The following FANCC variants were observed in gnomAD, a reference collection of about 807,000 sequenced individuals.
FANCC encodes the protein Fanconi anemia group C protein.
FANCC carries 55 observed loss-of-function variants against 71.3 expected under a neutral mutation model. The ratio of observed to expected loss-of-function variants is 0.77; its 90% confidence interval spans 0.62 to 0.97. The LOEUF (loss-of-function observed/expected upper bound fraction) is 0.97. Among genes scored for constraint, FANCC ranks in the 50% least tolerant of loss-of-function variants. The probability of loss-of-function intolerance (pLI) is 0.00; values close to 1 mark genes in which losing one functional copy is unlikely to be tolerated. For synonymous variants in FANCC, 275 were observed against 244.9 expected (o/e 1.12, Z -1.15); for missense variants, 678 against 670.9 (o/e 1.01, Z -0.12).
intron 1 of FANCC, among the ~76,000 whole-genome samples, chr9:95,274,036 T>G (rs913391504): frequency 6.6e-6 from 1 of 152,218 alleles, no homozygotes; most frequent in Non-Finnish European, 1.5e-5. Flanking sequence ...TTTAATTTTT[T>G]TATTATACTT....
Position 95,150,005 on chromosome 9 carries a change from C to G in FANCC, c.604G>C (p.Ala202Pro), listed in dbSNP as rs1190271227. The G allele has an allele frequency of 6.2e-7, 1 of 1,613,934 alleles. No individual in the cohort carries two copies. The change falls in exon 7 of 15, where the codon GCT becomes CCT. Residue 202 changes from alanine (A) to proline (P), a missense_variant. Coordinates refer to ENST00000289081, the MANE Select transcript of FANCC (RefSeq NM_000136.3). ...TCACGTCCATGACAGATGAGGAGAG[C>G]CTCCACCAGGGGGTCAACATCTGTC... ...TLTDVDPLVEALLICHGREPQ... is the reference protein window; with the variant it reads ...TLTDVDPLVEPLLICHGREPQ...
chr9:95,215,597 C>G (rs544342884), intron 4 of FANCC, among the ~76,000 whole-genome samples: 1 of 152,212 alleles, frequency 6.6e-6, no homozygotes, highest in South Asian at 2.1e-4. Context: ...TAAGAGAGTA[C>G]AGTATAACTC....
At chr9:95,292,492 CGGGG>C in intron 1 of FANCC, 1 of 1,407,462 alleles carries the variant, frequency 7.1e-7, no homozygotes, top group Non-Finnish European at 9.2e-7. Context: ...CCGCGGCCCG[CGGGG>C]GTGACGCAGC....
At chr9:95,254,784 G>A (rs1357161373) in intron 1 of FANCC, among the ~76,000 whole-genome samples, 1 of 152,220 alleles carries the variant, frequency 6.6e-6, no homozygotes, top group Non-Finnish European at 1.5e-5. Context: ...GTCTAGCTCA[G>A]TGGATCCCAC....
At chr9:95,313,975 C>T (rs936979156) in intron 1 of FANCC, among the ~76,000 whole-genome samples, 1 of 152,078 alleles carries the variant, frequency 6.6e-6, no homozygotes, top group Non-Finnish European at 1.5e-5. Flanking sequence ...CAGCTAACGT[C>T]GTATCTAATG....
At position 95,188,745 on chromosome 9, in the gene FANCC, C is replaced by T. The variant is rs183873724; in HGVS notation, c.346-16598G>A. On this transcript the variant is annotated intron_variant, in intron 4 of 14. Coordinates refer to ENST00000289081, the MANE Select transcript of FANCC (RefSeq NM_000136.3). The stretch of plus-strand genomic sequence containing the variant: ...TACTTCCTGCAGTTTCCTGTTCTCT[C>T]GCATTTTTATGTCCACTCCTCCCGA... Among the ~76,000 whole-genome samples, 62 of 152,256 alleles carry T rather than the reference C, an allele frequency of 4.1e-4. 1 individual carries two copies. The highest frequency in any genetic ancestry group is 6.8e-3 in the Middle Eastern group (2 of 294).
chr9:95,186,476 A>G (rs1826718529), intron 4 of FANCC: 1 of 152,104 alleles, frequency 6.6e-6, no homozygotes, highest in African/African-American at 2.4e-5. Flanking sequence ...ACACACACCC[A>G]TTTTTAGAAG....
intron 4 of FANCC, among the ~76,000 whole-genome samples, chr9:95,174,295 ACT>A (rs1182214476): frequency 6.6e-6 from 1 of 151,972 alleles, no homozygotes; most frequent in Non-Finnish European, 1.5e-5. Flanking sequence ...GGCCCAGGGC[ACT>A]CTCTTCCACC....
At chr9:95,284,188 A>C (rs199841175) in intron 1 of FANCC, among the ~76,000 whole-genome samples, 2 of 152,340 alleles carry the variant, frequency 1.3e-5, no homozygotes, top group East Asian at 3.9e-4. Flanking sequence ...TCACAAAAGC[A>C]ATGGAGTCAA....
At chr9:95,175,209 T>C (rs1167816585) in intron 4 of FANCC, among the ~76,000 whole-genome samples, 2 of 152,192 alleles carry the variant, frequency 1.3e-5, no homozygotes, top group Admixed American at 6.5e-5. Context: ...CATTTCTACA[T>C]GACATCCTAT....
intron 4 of FANCC, among the ~76,000 whole-genome samples, chr9:95,229,634 G>A (rs977020400): frequency 6.6e-6 from 1 of 152,152 alleles, no homozygotes; most frequent in Non-Finnish European, 1.5e-5. Context: ...AATTAATCTG[G>A]AACATGTTTA....
At chr9:95,211,994 C>T (rs77565444) in intron 4 of FANCC, among the ~76,000 whole-genome samples, 1 of 151,906 alleles carries the variant, frequency 6.6e-6, no homozygotes, top group Non-Finnish European at 1.5e-5. Context: ...TAAAGTCATT[C>T]TTTCTTTAAA....
intron 4 of FANCC, among the ~76,000 whole-genome samples, chr9:95,209,556 T>A (rs899571864): frequency 6.6e-6 from 1 of 152,198 alleles, no homozygotes; most frequent in African/African-American, 2.4e-5. Flanking sequence ...AAATAAAGTT[T>A]ATTCTTTTTA....
intron 4 of FANCC, among the ~76,000 whole-genome samples, chr9:95,207,954 T>C (rs1828239066): frequency 6.6e-6 from 1 of 152,076 alleles, no homozygotes; most frequent in South Asian, 2.1e-4. Context: ...GTGACACAAA[T>C]GGCTCTAACT....
At chr9:95,166,767 G>A (rs1233097335) in intron 6 of FANCC, among the ~76,000 whole-genome samples, 2 of 152,114 alleles carry the variant, frequency 1.3e-5, no homozygotes, top group African/African-American at 2.4e-5. Context: ...TATGGGACTG[G>A]AGCATCTATA....
At chr9:95,247,701 C>T (rs370999027) in intron 2 of FANCC, among the ~76,000 whole-genome samples, 185 bp from the exon 3 acceptor site, 2 of 152,144 alleles carry the variant, frequency 1.3e-5, no homozygotes, top group South Asian at 4.2e-4. Context: ...AAGCAACCAA[C>T]CAACTTACTT....
intron 1 of FANCC, chr9:95,293,998 A>G: frequency 1.3e-6 from 2 of 1,592,416 alleles, no homozygotes; most frequent in Non-Finnish European, 1.7e-6. Context: ...TGAGCCTAAG[A>G]CTTTAAATCA....
At chr9:95,130,139 C>G (rs1274344499) in intron 8 of FANCC, among the ~76,000 whole-genome samples, 1 of 152,128 alleles carries the variant, frequency 6.6e-6, no homozygotes, top group Non-Finnish European at 1.5e-5. Context: ...CTCTTGTGCC[C>G]GGTCCTTGAT....
At chr9:95,277,200 A>G (rs1833094209) in intron 1 of FANCC, among the ~76,000 whole-genome samples, 1 of 152,196 alleles carries the variant, frequency 6.6e-6, no homozygotes. Flanking sequence ...AACAGTTTTT[A>G]TATTTTATTT....
Sources: gnomAD v4.1 joint callset for allele counts (sites outside exome capture counted in the v4.1 genomes callset) on GRCh38, gnomAD v4.1.1 for gene constraint, MANE v1.5 for transcripts, NCBI Gene and HGNC (gene_info 2026-07-23, HGNC 2026-07-21) for gene names.